Variants in DPP6 observed in about 807,000 individuals in gnomAD.
DPP6 encodes the protein A-type potassium channel modulatory protein DPP6.
In DPP6, 69 loss-of-function variants were observed where a neutral mutation model predicts 122.6. The observed-to-expected ratio is 0.56, with a 90% CI of 0.46 to 0.69. The LOEUF (loss-of-function observed/expected upper bound fraction) is 0.69, where lower values mean the gene tolerates loss of function less well. Among genes scored for constraint, DPP6 ranks in the 30% least tolerant of loss-of-function variants. The pLI is 0.00. For synonymous variants in DPP6, 418 were observed against 433.1 expected (o/e 0.97, Z 0.43); for missense variants, 928 against 1,116.9 (o/e 0.83, Z 2.41).
intron 1 of DPP6, among the ~76,000 whole-genome samples, chr7:154,261,972 G>A (rs73165288): frequency 0.081 from 12,251 of 151,852 alleles, 627 homozygotes; most frequent in Non-Finnish European, 0.12. Flanking sequence ...GCTTGGACCT[G>A]GGTGGTGGAT....
At chr7:154,142,488 G>A (rs1376148526) in intron 1 of DPP6, among the ~76,000 whole-genome samples, 2 of 152,128 alleles carry the variant, frequency 1.3e-5, no homozygotes, top group African/African-American at 4.8e-5. Flanking sequence ...TGTTAGGTTG[G>A]GGGCAGGGGA....
At chr7:154,461,422 A>G (rs1821292713) in intron 2 of DPP6, among the ~76,000 whole-genome samples, 1 of 152,126 alleles carries the variant, frequency 6.6e-6, no homozygotes, top group South Asian at 2.1e-4. Flanking sequence ...CTCTGTTTTT[A>G]GTTTTCTGAG....
intron 1 of DPP6, among the ~76,000 whole-genome samples, chr7:154,390,008 G>A (rs7804523): frequency 6.6e-6 from 1 of 152,214 alleles, no homozygotes; most frequent in Non-Finnish European, 1.5e-5. Flanking sequence ...CTGCCAGAAT[G>A]TATGCATTCA....
At chr7:154,824,665 A>G (rs1325207384) in intron 16 of DPP6, among the ~76,000 whole-genome samples, 2 of 152,278 alleles carry the variant, frequency 1.3e-5, no homozygotes, top group Non-Finnish European at 2.9e-5. Flanking sequence ...TACTTTAGCT[A>G]TGAAGACATA....
At chr7:154,291,754 C>T (rs1395782700) in intron 1 of DPP6, among the ~76,000 whole-genome samples, 1 of 152,218 alleles carries the variant, frequency 6.6e-6, no homozygotes, top group African/African-American at 2.4e-5. Context: ...GTCCAATTGA[C>T]CATGTTTTAC....
intron 1 of DPP6, among the ~76,000 whole-genome samples, chr7:153,985,517 A>G (rs1796801273): frequency 6.6e-6 from 1 of 152,210 alleles, no homozygotes; most frequent in African/African-American, 2.4e-5. Flanking sequence ...CCATTCTTCC[A>G]GGTCAGAGAG....
rs369892359 is a variant in DPP6 at position 154,396,924 on chromosome 7, G to A, written c.244-49290G>A. ...CGCGCCACTGCGCTCCAGCCTGGGC[G>A]ACAGAGCAACACTCCATCTCAAAAA... On this transcript the variant is annotated intron_variant, in intron 1 of 25. Transcript: ENST00000377770. 3.9e-4 allele frequency among the ~76,000 whole-genome samples: 59 copies of A among 152,224 alleles called. 1 individual carries two copies. The South Asian group carries it at 0.011, about 27-fold the overall frequency.
the DPP6 span, among the ~76,000 whole-genome samples, chr7:153,832,687 G>C: frequency 1.0e-5 from 1 of 97,264 alleles, no homozygotes; most frequent in Admixed American, 9.6e-5. Context: ...TGGAATGATG[G>C]TATACCATGA....
chr7:153,820,741 A>T, the DPP6 span, among the ~76,000 whole-genome samples: 3 of 152,116 alleles, frequency 2.0e-5, no homozygotes, highest in East Asian at 1.9e-4. Flanking sequence ...AAAATGGATT[A>T]AAAAACAGTG....
At chr7:154,076,123 T>G (rs916802439) in intron 1 of DPP6, among the ~76,000 whole-genome samples, 2 of 151,848 alleles carry the variant, frequency 1.3e-5, no homozygotes, top group African/African-American at 4.8e-5. Context: ...TCTTCCTATG[T>G]GTAAAGAGTA....
At chr7:154,776,680 C>A (rs991003243) in intron 10 of DPP6, among the ~76,000 whole-genome samples, 1 of 152,148 alleles carries the variant, frequency 6.6e-6, no homozygotes, top group African/African-American at 2.4e-5. Flanking sequence ...ATCTTATTTG[C>A]ATGGGATTCT....
chr7:154,638,230 T>C (rs958893619), intron 6 of DPP6, among the ~76,000 whole-genome samples: 1 of 152,162 alleles, frequency 6.6e-6, no homozygotes, highest in East Asian at 1.9e-4. Context: ...GCCCTTGGCC[T>C]CCCACGAGGG....
At chr7:153,755,209 T>C in the DPP6 span, among the ~76,000 whole-genome samples, 1 of 150,066 alleles carries the variant, frequency 6.7e-6, no homozygotes, top group South Asian at 2.1e-4. Flanking sequence ...AGTTTTGTTC[T>C]TTTATCCTCT....
chr7:154,023,318 G>GCACGCGCACACACACACA lies in DPP6; in HGVS notation c.51+135587_51+135588insGCGCACACACACACACAC, dbSNP rs373378162. ...CAGGCTCTGGAAATGTTTCTTGTCT[G>GCACGCGCACACACACACA]CACACACACACACACACACACACAC... On this transcript the variant is annotated intron_variant, in intron 1 of 25. Transcript: ENST00000404039. 9.2e-4 allele frequency among the ~76,000 whole-genome samples: 119 copies of GCACGCGCACACACACACA among 129,614 alleles called. 2 individuals are homozygous for GCACGCGCACACACACACA. The highest frequency in any genetic ancestry group is 2.6e-3 in the African/African-American group (81 of 31,176). The allele number at this position is 129,614 out of a possible 152,430, so 85.0% of individuals were successfully genotyped here. A position where few individuals can be genotyped will look rare whatever the true frequency, so the allele number is the denominator to read the frequency against.
chr7:154,678,095 T>C (rs971701276), intron 7 of DPP6, among the ~76,000 whole-genome samples: 11 of 152,098 alleles, frequency 7.2e-5, no homozygotes, highest in African/African-American at 2.7e-4. Context: ...CACCAATCAG[T>C]GCTCTGTGTC....
chr7:154,320,449 A>G (rs1203531197), intron 1 of DPP6, among the ~76,000 whole-genome samples: 1 of 150,870 alleles, frequency 6.6e-6, no homozygotes, highest in Non-Finnish European at 1.5e-5. Context: ...CATATTATGA[A>G]GAGATAAAAT....
chr7:153,886,112 TACACACACACAC>T (rs60245538), upstream of DPP6, among the ~76,000 whole-genome samples: 104 of 140,408 alleles, frequency 7.4e-4, no homozygotes, highest in South Asian at 1.9e-3. Context: ...GGCACGCCCT[TACACACACACAC>T]ACACACACAC....
At chr7:154,570,140 G>A (rs1831022385) in intron 5 of DPP6, among the ~76,000 whole-genome samples, 1 of 151,940 alleles carries the variant, frequency 6.6e-6, no homozygotes, top group Non-Finnish European at 1.5e-5. Context: ...AGTGGCTCAA[G>A]TAGAAGTGAG....
At chr7:154,781,716 T>C (rs1797042604) in intron 10 of DPP6, among the ~76,000 whole-genome samples, 1 of 150,722 alleles carries the variant, frequency 6.6e-6, no homozygotes, top group African/African-American at 2.4e-5. Context: ...TCTCATAACA[T>C]TTTTGTACCC....
Sources: allele counts gnomAD v4.1 joint callset (sites outside exome capture counted in the v4.1 genomes callset), GRCh38; gene constraint gnomAD v4.1.1; transcripts MANE v1.5; gene names NCBI Gene and HGNC (gene_info 2026-07-23, HGNC 2026-07-21).